The following SSBP2 variants were observed in gnomAD, a reference collection of about 807,000 sequenced individuals.
The protein encoded by SSBP2 is single-stranded DNA-binding protein 2.
Under a neutral mutation model 61.8 loss-of-function variants are expected in SSBP2, and 17 were observed. That is an observed-to-expected ratio of 0.28 (90% CI 0.19 to 0.41). The LOEUF (loss-of-function observed/expected upper bound fraction) is 0.41, where lower values mean the gene tolerates loss of function less well. Ranked by LOEUF, SSBP2 falls within the 10% of genes least tolerant of loss-of-function variation. SSBP2 has a pLI of 1.00. For missense variants in SSBP2, 310 were observed against 458.7 expected, an observed-to-expected ratio of 0.68 and a Z score of 2.96; for synonymous variants, 139 against 141.3, an observed-to-expected ratio of 0.98 and a Z score of 0.12.
rs1273492055 is a variant in SSBP2 at position 81,418,589 on chromosome 5, C to T, written c.*1915G>A. 6.6e-6 allele frequency: 1 copy of T among 152,120 alleles called. No homozygotes were observed. Among genetic ancestry groups the T allele is most frequent in the African/African-American group, 2.4e-5 (1 of 41,424 alleles). 9.4% of individuals were successfully genotyped at this position (152,120 alleles called of 1,614,324 possible). On this transcript the variant is annotated 3_prime_UTR_variant, in exon 17 of 17. Coordinates refer to ENST00000320672, the MANE Select transcript of SSBP2 (RefSeq NM_012446.5). ...TCAGGCAATATTGTCCTTGTCTGAA[C>T]ATCATAGAGTGTACTTACACAAACC...
intron 1 of SSBP2, among the ~76,000 whole-genome samples, chr5:81,740,619 G>GA (rs1756952771): frequency 6.6e-6 from 1 of 152,188 alleles, no homozygotes; most frequent in East Asian, 1.9e-4. Context: ...GACAACAAAA[G>GA]AGACTCATAA....
intron 6 of SSBP2, among the ~76,000 whole-genome samples, chr5:81,474,789 A>G (rs1765479172): frequency 1.3e-5 from 2 of 152,170 alleles, no homozygotes; most frequent in South Asian, 4.1e-4. Context: ...GTGACAAATA[A>G]AATAAGTATT....
intron 4 of SSBP2, among the ~76,000 whole-genome samples, chr5:81,590,597 G>A (rs1186385367): frequency 3.9e-5 from 6 of 152,180 alleles, no homozygotes; most frequent in East Asian, 1.9e-4. Context: ...GGGAATGCTC[G>A]TCCATTCACA....
At chr5:81,592,191 C>A (rs1031260457) in intron 4 of SSBP2, among the ~76,000 whole-genome samples, 1 of 152,220 alleles carries the variant, frequency 6.6e-6, no homozygotes, top group Admixed American at 6.5e-5. Context: ...GATTATATCC[C>A]GCACTTGGCT....
At chr5:81,556,496 T>C (rs969827220) in intron 4 of SSBP2, among the ~76,000 whole-genome samples, 3 of 152,138 alleles carry the variant, frequency 2.0e-5, no homozygotes, top group African/African-American at 7.2e-5. Flanking sequence ...AAATTGATAT[T>C]GAAGGAGTTG....
chr5:81,652,498 C>A (rs1446948421), intron 1 of SSBP2, among the ~76,000 whole-genome samples: 3 of 152,124 alleles, frequency 2.0e-5, no homozygotes, highest in East Asian at 3.9e-4. Context: ...GGGTGTGAGC[C>A]CATCCTCCTA....
At chr5:81,420,962 G>GT in intron 16 of SSBP2, among the ~76,000 whole-genome samples, 1 of 152,110 alleles carries the variant, frequency 6.6e-6, no homozygotes, top group Middle Eastern at 3.2e-3. Context: ...CTTGACTTCA[G>GT]TTTCCCTATC....
chr5:81,627,063 C>T (rs1329511963), intron 3 of SSBP2, among the ~76,000 whole-genome samples: 1 of 152,070 alleles, frequency 6.6e-6, no homozygotes, highest in East Asian at 1.9e-4. Flanking sequence ...CTTAAAGGTA[C>T]TAAAAATATT....
At chr5:81,714,066 T>C (rs1754996933) in intron 1 of SSBP2, among the ~76,000 whole-genome samples, 1 of 151,930 alleles carries the variant, frequency 6.6e-6, no homozygotes, top group Non-Finnish European at 1.5e-5. Context: ...TAGGCCCCCA[T>C]CCCCCAACAG....
At chr5:81,743,874 A>T (rs970338208) in intron 1 of SSBP2, among the ~76,000 whole-genome samples, 1 of 152,196 alleles carries the variant, frequency 6.6e-6, no homozygotes, top group Non-Finnish European at 1.5e-5. Context: ...GAGGATGGCA[A>T]AGAAGCCGAT....
intron 4 of SSBP2, among the ~76,000 whole-genome samples, chr5:81,551,096 G>GCAA (rs1554085216): frequency 1.2e-5 from 1 of 80,220 alleles, no homozygotes; most frequent in African/African-American, 4.2e-5. Flanking sequence ...ACTCCATCTC[G>GCAA]AAAAAAAAAA....
chr5:81,461,592 T>A (rs987842036), intron 9 of SSBP2, among the ~76,000 whole-genome samples: 20 of 151,250 alleles, frequency 1.3e-4, no homozygotes, highest in South Asian at 6.3e-4. Flanking sequence ...AGTTGCCTTT[T>A]AAAAAAAAAC....
At chr5:81,538,540 T>C (rs1421693465) in intron 4 of SSBP2, among the ~76,000 whole-genome samples, 3 of 152,236 alleles carry the variant, frequency 2.0e-5, no homozygotes, top group Non-Finnish European at 2.9e-5. Flanking sequence ...CAGCCTTCTA[T>C]TGAAAGATGC....
intron 4 of SSBP2, among the ~76,000 whole-genome samples, chr5:81,539,554 T>C (rs866548569): frequency 6.6e-6 from 1 of 152,124 alleles, no homozygotes; most frequent in African/African-American, 2.4e-5. Flanking sequence ...GAGAAATCAT[T>C]TGTGAAAGGA....
intron 4 of SSBP2, among the ~76,000 whole-genome samples, chr5:81,526,485 C>A (rs1028762562): frequency 4.0e-5 from 6 of 151,856 alleles, no homozygotes; most frequent in African/African-American, 1.5e-4. Context: ...AGACAAAATT[C>A]ATTTGGTATA....
intron 5 of SSBP2, among the ~76,000 whole-genome samples, chr5:81,506,771 G>C (rs1380132148): frequency 6.6e-6 from 1 of 152,122 alleles, no homozygotes; most frequent in East Asian, 1.9e-4. Context: ...TCAAAATGCA[G>C]AATTTATTTC....
chr5:81,459,785 T>G (rs972543414), intron 10 of SSBP2, among the ~76,000 whole-genome samples: 3 of 152,228 alleles, frequency 2.0e-5, no homozygotes, highest in Non-Finnish European at 4.4e-5. Context: ...AAGAAGCTAA[T>G]AGATCATAAG....
At chr5:81,740,536 T>C (rs1756943842) in intron 1 of SSBP2, among the ~76,000 whole-genome samples, 1 of 152,196 alleles carries the variant, frequency 6.6e-6, no homozygotes, top group Non-Finnish European at 1.5e-5. Context: ...GTACTACTGC[T>C]CCTGTATCAC....
chr5:81,465,405 T>G (rs548428979), intron 9 of SSBP2, among the ~76,000 whole-genome samples: 53 of 152,102 alleles, frequency 3.5e-4, no homozygotes, highest in African/African-American at 1.2e-3. Context: ...TATGCTTAAG[T>G]ATATCTGGGA....
Sources: gnomAD v4.1 joint callset for allele counts (sites outside exome capture counted in the v4.1 genomes callset) on GRCh38, gnomAD v4.1.1 for gene constraint, MANE v1.5 for transcripts, NCBI Gene and HGNC (gene_info 2026-07-23, HGNC 2026-07-21) for gene names.